The following SIGLEC14 variants were observed in gnomAD, a reference collection of about 807,000 sequenced individuals.
SIGLEC14 encodes sialic acid binding Ig like lectin 14.
Under a neutral mutation model 34.2 loss-of-function variants are expected in SIGLEC14, and 11 were observed. The ratio of observed to expected loss-of-function variants is 0.32; its 90% CI spans 0.20 to 0.53. SIGLEC14 has a LOEUF of 0.53. SIGLEC14 is among the 20% of genes least tolerant of loss of function. The pLI is 0.95. For missense variants in SIGLEC14, 264 were observed against 439.0 expected (o/e 0.60, Z 3.56); for synonymous variants, 99 against 179.7 (o/e 0.55, Z 3.59).
rs1347852683 is a variant in SIGLEC14 at position 51,639,774 on chromosome 19, A to G, written c.*3581T>C. 1.4e-5 allele frequency: 2 copies of G among 139,454 alleles called. No homozygotes were observed. The highest frequency in any genetic ancestry group is 3.1e-5 in the Non-Finnish European group (2 of 65,126). The allele number at this position is 139,454 out of a possible 1,614,324, so 8.6% of individuals were successfully genotyped here. ...ATTTCAACATATAAATTTTGGGAAG[A>G]CACACATTTCTATTATAGCATAAAT... is the stretch of plus-strand genomic sequence containing the variant. On this transcript the variant is annotated 3_prime_UTR_variant, in exon 7 of 7. Coordinates refer to ENST00000360844, the MANE Select transcript of SIGLEC14 (RefSeq NM_001098612.3).
At chr19:51,644,735 G>A (rs1006512691) in intron 4 of SIGLEC14, among the ~76,000 whole-genome samples, 1 of 138,354 alleles carries the variant, frequency 7.2e-6, no homozygotes, top group African/African-American at 2.8e-5. Flanking sequence ...GAACAGCCCT[G>A]GGATCAACAG....
intron 4 of SIGLEC14, among the ~76,000 whole-genome samples, chr19:51,644,260 A>G (rs1188358818): frequency 1.5e-5 from 2 of 137,918 alleles, no homozygotes; most frequent in African/African-American, 5.5e-5. Context: ...ATTAAGGAGA[A>G]GTGGATGGGC....
chr19:51,644,419 G>T (rs1983986767), intron 4 of SIGLEC14, among the ~76,000 whole-genome samples: 1 of 137,984 alleles, frequency 7.2e-6, no homozygotes, highest in South Asian at 2.5e-4. Context: ...TTGGGTGCCA[G>T]ATTGAGGGCC....
rs2122122883 is a variant in SIGLEC14 at position 51,643,251 on chromosome 19, G to T, written c.*104C>A. ...TGGGGCAGGAAGGAAAAGAGGGGTA[G>T]TCAGTGGGATGTGAGCTTCCAGAAA... On this transcript the variant is annotated 3_prime_UTR_variant, in exon 7 of 7. Coordinates refer to ENST00000360844, the MANE Select transcript of SIGLEC14 (RefSeq NM_001098612.3). 8.9e-7 allele frequency: 1 copy of T among 1,122,314 alleles called. No individual in the cohort carries two copies. The highest frequency in any genetic ancestry group is 1.3e-6 in the Non-Finnish European group (1 of 784,438). The allele number at this position is 1,122,314 out of a possible 1,614,324, so 69.5% of individuals were successfully genotyped here.
chr19:51,643,479 G>GGGGGGGGGGGGGGCCCCC, intron 6 of SIGLEC14, 58 bp downstream of exon 6: 5 of 1,296,380 alleles, frequency 3.9e-6, no homozygotes, highest in Admixed American at 2.4e-5. Context: ...CCTGGGGCAG[G>GGGGGGGGGGGGGGCCCCC]ACAGCTCAGC....
chr19:51,644,598 G>C lies in SIGLEC14; in HGVS notation c.755-562C>G, dbSNP rs933852191. ...GGGGCAATGGGCCAGGGTTGAGCAC[G>C]AGACTTGAGCTGGGCCTGGAACCAA... On this transcript the variant is annotated intron_variant, in intron 4 of 6. Coordinates refer to ENST00000360844, the MANE Select transcript of SIGLEC14 (RefSeq NM_001098612.3). 2.2e-5 allele frequency among the ~76,000 whole-genome samples: 3 copies of C among 137,314 alleles called. 1 individual carries two copies. The highest frequency in any genetic ancestry group is 8.4e-5 in the African/African-American group (3 of 35,884). The allele number at this position is 137,314 out of a possible 152,430, so 90.1% of individuals were successfully genotyped here. A position where few individuals can be genotyped will look rare whatever the true frequency, so the allele number is the denominator to read the frequency against.
chr19:51,643,913 A>G lies in SIGLEC14; in HGVS notation c.878T>C (p.Leu293Pro). Residue 293 changes from leucine (L) to proline (P), a missense_variant, in exon 5 of 7, where the codon CTC becomes CCC. By Grantham distance (98) the Leu-to-Pro change is moderately conservative. This residue lies in a region of SIGLEC14 where 149 missense variants were observed against 184.4 expected (regional missense o/e 0.81). Transcript: ENST00000360844. Reference sequence around the variant, plus strand: ...AGACATTGAGGTCTGGGAAGGATTGAGGGCTTTTCCCTCCCGGAACCAGCT... The same window carrying G: ...AGACATTGAGGTCTGGGAAGGATTGGGGGCTTTTCCCTCCCGGAACCAGCT... Reference protein sequence around the residue: ...SLSWFREGKALNPSQTSMSGT... With the variant: ...SLSWFREGKAPNPSQTSMSGT... 6.5e-7 allele frequency: 1 copy of G among 1,534,088 alleles called. No homozygotes were observed. Among genetic ancestry groups the G allele is most frequent in the Non-Finnish European group, 8.8e-7 (1 of 1,141,670 alleles).
Position 51,644,818 on chromosome 19 carries a change from A to G in SIGLEC14, c.754+659T>C, listed in dbSNP as rs2122124409. ...ATCTGTGCCTCAGAGAAAGGGCTGG[A>G]TATAAAGTTGTGGGAGGCATCAGGA... is the stretch of plus-strand genomic sequence containing the variant. On this transcript the variant is annotated intron_variant, in intron 4 of 6. Coordinates refer to ENST00000360844, the MANE Select transcript of SIGLEC14 (RefSeq NM_001098612.3). 1.5e-5 allele frequency among the ~76,000 whole-genome samples: 2 copies of G among 137,566 alleles called. 1 individual carries two copies. Among genetic ancestry groups the G allele is most frequent in the Admixed American group, 1.4e-4 (2 of 14,270 alleles). 90.2% of individuals were successfully genotyped at this position (137,566 alleles called of 152,430 possible).
intron 4 of SIGLEC14, among the ~76,000 whole-genome samples, chr19:51,644,460 C>T (rs1983987896): frequency 7.3e-6 from 1 of 137,570 alleles, no homozygotes; most frequent in Non-Finnish European, 1.5e-5. Flanking sequence ...CAAGAGGGGG[C>T]TATAAGCAAG....
At position 51,643,202 on chromosome 19, in the gene SIGLEC14, A is replaced by G; in HGVS notation, c.*153T>C. 1.4e-6 allele frequency: 1 copy of G among 723,416 alleles called. No homozygotes were observed. Among genetic ancestry groups the G allele is most frequent in the South Asian group, 1.6e-5 (1 of 64,118 alleles). The allele number at this position is 723,416 out of a possible 1,614,324, so 44.8% of individuals were successfully genotyped here. On this transcript the variant is annotated 3_prime_UTR_variant, in exon 7 of 7. Coordinates refer to ENST00000360844, the MANE Select transcript of SIGLEC14 (RefSeq NM_001098612.3). ...GTGTGGTGGGGCAAGACTCACAAGCAGAGGGGAATAAGTAGAAGGGGTATG... is the reference window on the plus strand; with the variant it reads ...GTGTGGTGGGGCAAGACTCACAAGCGGAGGGGAATAAGTAGAAGGGGTATG...
chr19:51,645,426 G>T, intron 4 of SIGLEC14, 51 bp downstream of exon 4: 1 of 1,449,764 alleles, frequency 6.9e-7, no homozygotes, highest in South Asian at 1.2e-5. Context: ...TGAACCCTGA[G>T]CTAATAGAAG....
rs1397035978 is a variant in SIGLEC14, at chr19:51,643,166, T to G, written c.*189A>C. 3 of 518,520 alleles carry G rather than the reference T, an allele frequency of 5.8e-6. No homozygotes were observed. The highest frequency in any genetic ancestry group is 9.8e-6 in the Non-Finnish European group (3 of 304,692). 32.1% of individuals were successfully genotyped at this position (518,520 alleles called of 1,614,324 possible). On this transcript the variant is annotated 3_prime_UTR_variant, in exon 7 of 7. Coordinates refer to ENST00000360844, the MANE Select transcript of SIGLEC14 (RefSeq NM_001098612.3). ...AGGTGGAGAGGGGATGGGGTGCAGATGGGGATGCAGGTGTGGTGGGGCAAG... is the reference window on the plus strand; with the variant it reads ...AGGTGGAGAGGGGATGGGGTGCAGAGGGGGATGCAGGTGTGGTGGGGCAAG...
At chr19:51,644,526 G>A (rs536242225) in intron 4 of SIGLEC14, among the ~76,000 whole-genome samples, 10 of 137,692 alleles carry the variant, frequency 7.3e-5, no homozygotes, top group South Asian at 2.5e-4. Flanking sequence ...AGTAGGTCCC[G>A]GACTGGAGAG....
chr19:51,639,519 G>A lies in SIGLEC14; in HGVS notation c.*3836C>T, dbSNP rs1357713673. ...GAAATTTATTTCTCATAATTCTGGA[G>A]GTCGGGAAGTCCAAGATCAAGGTGC... On this transcript the variant is annotated 3_prime_UTR_variant, in exon 7 of 7. Coordinates refer to ENST00000360844, the MANE Select transcript of SIGLEC14 (RefSeq NM_001098612.3). The A allele has an allele frequency of 4.3e-5, 6 of 139,786 alleles. 1 individual carries two copies. The highest frequency in any genetic ancestry group is 6.1e-5 in the Non-Finnish European group (4 of 65,068). 8.7% of individuals were successfully genotyped at this position (139,786 alleles called of 1,614,324 possible).
At chr19:51,645,398 G>T in intron 4 of SIGLEC14, 79 bp downstream of exon 4, 2 of 1,277,132 alleles carry the variant, frequency 1.6e-6, no homozygotes, top group Non-Finnish European at 2.2e-6. Context: ...GGTGAGGGAG[G>T]GTCTCCTCTC....
chr19:51,643,289 G>A lies in SIGLEC14; in HGVS notation c.*66C>T. 2.2e-6 allele frequency: 3 copies of A among 1,378,762 alleles called. No individual in the cohort carries two copies. Among genetic ancestry groups the A allele is most frequent in the East Asian group, 7.4e-5 (2 of 27,156 alleles). The allele number at this position is 1,378,762 out of a possible 1,614,324, so 85.4% of individuals were successfully genotyped here. On this transcript the variant is annotated 3_prime_UTR_variant, in exon 7 of 7. Transcript: ENST00000360844. ...GAGCTTCCAGAAAGAAGCTGACAGT[G>A]ATGTCCTGCATGTGTCCCACAGGGC...
Position 51,643,559 on chromosome 19 carries a change from G to A in SIGLEC14, c.1126C>T (p.Leu376Phe). Residue 376 changes from leucine (L) to phenylalanine (F), a missense_variant, in exon 6 of 7, where the codon CTC becomes TTC. Physicochemically the swap from Leu to Phe is conservative, Grantham distance 22 (BLOSUM62 0). Transcript: ENST00000360844. Reference protein sequence around the residue: ...MGAGFLLTYGLTWIYYTRCGG... With the variant: ...MGAGFLLTYGFTWIYYTRCGG... ...CACCTGGTATAGTAGATCCAGGTGA[G>A]GCCATAGGTGAGGAGGAAGCCAGCC... 1 of 1,527,974 alleles carries A rather than the reference G, an allele frequency of 6.5e-7. No homozygotes were observed. Among genetic ancestry groups the A allele is most frequent in the Non-Finnish European group, 8.8e-7 (1 of 1,139,804 alleles). 94.7% of individuals were successfully genotyped at this position (1,527,974 alleles called of 1,614,324 possible). A position where few individuals can be genotyped will look rare whatever the true frequency, so the allele number is the denominator to read the frequency against.
At position 51,645,412 on chromosome 19, in the gene SIGLEC14, A is replaced by G. The variant is rs537950113; in HGVS notation, c.754+65T>C. 6.7e-5 allele frequency: 95 copies of G among 1,410,102 alleles called. 14 individuals are homozygous for G. In the African/African-American group the frequency reaches 1.0e-3, roughly 15 times the overall value. 87.3% of individuals were successfully genotyped at this position (1,410,102 alleles called of 1,614,324 possible). ...GGGTGAGGGAGGGTCTCCTCTCCCA[A>G]TGCTGAACCCTGAGCTAATAGAAGG... On this transcript the variant is annotated intron_variant, in intron 4 of 6. Transcript: ENST00000360844.
In SIGLEC14 at chr19:51,646,334, C is replaced by T. The variant is rs370230015; in HGVS notation, c.344G>A (p.Ser115Asn). The change falls in exon 2 of 7, where the codon AGC becomes AAC. Residue 115 changes from serine (S) to asparagine (N), a missense_variant. Physicochemically the swap from Ser to Asn is conservative, Grantham distance 46. Around this residue, in one of 5 missense-constraint regions of SIGLEC14, gnomAD observed 31 missense variants for 67.4 expected, o/e 0.46. Coordinates refer to ENST00000360844, the MANE Select transcript of SIGLEC14 (RefSeq NM_001098612.3). ...TCCTCTCTCCACGCGGAAGAAATAG[C>T]TTCCCGTGTCCTCCATTCTGGCATC... ...IGDARMEDTG[S>N]YFFRVERGRD... The T allele has an allele frequency of 9.6e-5, 121 of 1,258,654 alleles. 21 individuals carry two copies. The highest frequency in any genetic ancestry group is 5.1e-4 in the South Asian group (35 of 68,334). The allele number at this position is 1,258,654 out of a possible 1,614,324, so 78.0% of individuals were successfully genotyped here. A position where few individuals can be genotyped will look rare whatever the true frequency, so the allele number is the denominator to read the frequency against.
Sources: gnomAD v4.1 joint callset for allele counts (sites outside exome capture counted in the v4.1 genomes callset) on GRCh38, gnomAD v4.1.1 for gene constraint, gnomAD v4.1.1 regional missense constraint, MANE v1.5 for transcripts, NCBI Gene and HGNC (gene_info 2026-07-23, HGNC 2026-07-21) for gene names.